Variants in TRPM7 observed in about 807,000 individuals in gnomAD.
The protein encoded by TRPM7 is LTRPC ion channel family member 7.
TRPM7 carries 134 observed loss-of-function variants against 229.7 expected under a neutral mutation model. The observed-to-expected ratio is 0.58, with a 90% confidence interval of 0.51 to 0.67. The LOEUF (loss-of-function observed/expected upper bound fraction) is 0.67, where lower values mean the gene tolerates loss of function less well. Ranked by LOEUF, TRPM7 falls within the 30% of genes least tolerant of loss-of-function variation. TRPM7 has a pLI of 0.00. For synonymous variants in TRPM7, 699 were observed against 715.2 expected, an observed-to-expected ratio of 0.98 and a Z score of 0.36; for missense variants, 1,901 against 2,210.0, an observed-to-expected ratio of 0.86 and a Z score of 2.80.
chr15:50,605,240 T>C, intron 20 of TRPM7, 96 bp from the exon 21 acceptor site: 2 of 1,048,084 alleles, frequency 1.9e-6, no homozygotes, highest in South Asian at 1.8e-5. Flanking sequence ...GAATTTCACA[T>C]AGCTTTTATT....
At chr15:50,676,935 C>G (rs1270735815) in intron 1 of TRPM7, among the ~76,000 whole-genome samples, 1 of 152,150 alleles carries the variant, frequency 6.6e-6, no homozygotes, top group Non-Finnish European at 1.5e-5. Context: ...CTCCAGGCAG[C>G]CCAGCTAAAT....
intron 1 of TRPM7, among the ~76,000 whole-genome samples, chr15:50,663,529 A>T (rs1021039993): frequency 2.0e-5 from 3 of 152,138 alleles, no homozygotes; most frequent in African/African-American, 7.2e-5. Flanking sequence ...TTAAATCCCA[A>T]GTGACCTAGG....
rs2060831377 is a variant in TRPM7, at chr15:50,634,513, A to G, written c.876T>C (p.Gly292=). The part of the protein sequence containing the change: ...GVPVVALIFE[G]GPNVILTVLE... ...GAACTGTGAGGATAACATTTGGCCC[A>G]CCCTCAAATATAAGTGCCACCACAG... The change falls in exon 8 of 39, where the codon GGT becomes GGC. Residue 292 remains glycine (G), a synonymous_variant. Transcript: ENST00000646667. 1 of 1,551,020 alleles carries G rather than the reference A, an allele frequency of 6.4e-7. No individual in the cohort carries two copies. The highest frequency in any genetic ancestry group is 8.7e-7 in the Non-Finnish European group (1 of 1,153,648).
At chr15:50,620,941 G>C (rs373894494) in intron 12 of TRPM7, among the ~76,000 whole-genome samples, 19 of 147,962 alleles carry the variant, frequency 1.3e-4, no homozygotes, top group African/African-American at 4.2e-4. Context: ...CCCCAAAAAA[G>C]TAAAAAATTT....
rs1243785600 is a variant in TRPM7, at chr15:50,671,227, C to A, written c.4-8181G>T. Among the ~76,000 whole-genome samples, 6 of 152,140 alleles carry A rather than the reference C, an allele frequency of 3.9e-5. No homozygotes were observed. In the East Asian group the frequency reaches 1.2e-3, roughly 29 times the overall value. On this transcript the variant is annotated intron_variant, in intron 1 of 38. Coordinates refer to ENST00000646667, the MANE Select transcript of TRPM7 (RefSeq NM_017672.6). ...CAATCCCCACCCAAGTCCCTGATAACCACCATTCTACTCTCCATCCAGAAA... is the reference window on the plus strand; with the variant it reads ...CAATCCCCACCCAAGTCCCTGATAAACACCATTCTACTCTCCATCCAGAAA...
At chr15:50,680,139 G>A (rs189283977) in intron 1 of TRPM7, among the ~76,000 whole-genome samples, 1 of 152,138 alleles carries the variant, frequency 6.6e-6, no homozygotes, top group African/African-American at 2.4e-5. Context: ...GAGGCTGACA[G>A]AGGAGAATCA....
chr15:50,673,003 G>A (rs1014899116), intron 1 of TRPM7, among the ~76,000 whole-genome samples: 1 of 150,376 alleles, frequency 6.6e-6, no homozygotes, highest in Admixed American at 6.6e-5. Flanking sequence ...TATTACAAGA[G>A]TCAAAAAGTT....
At chr15:50,675,757 A>G (rs1022225222) in intron 1 of TRPM7, among the ~76,000 whole-genome samples, 2 of 152,224 alleles carry the variant, frequency 1.3e-5, no homozygotes, top group Non-Finnish European at 2.9e-5. Context: ...CACAAATCTG[A>G]AAATTCCTAA....
At position 50,686,755 on chromosome 15, in the gene TRPM7, G is replaced by A. The variant is rs2140999352; in HGVS notation, c.-222C>T. On this transcript the variant is annotated 5_prime_UTR_variant, in exon 1 of 39. Coordinates refer to ENST00000646667, the MANE Select transcript of TRPM7 (RefSeq NM_017672.6). ...AACTCCTCCGGGTGACTGGCCACAG[G>A]GACGCGCCCGCGCCCGCCTCCGCCG... The A allele has an allele frequency of 1.9e-6, 1 of 523,328 alleles. No individual in the cohort carries two copies. Among genetic ancestry groups the A allele is most frequent in the Non-Finnish European group, 3.2e-6 (1 of 315,164 alleles). The allele number at this position is 523,328 out of a possible 1,614,324, so 32.4% of individuals were successfully genotyped here.
rs2053217235 is a variant in TRPM7 at position 50,559,025 on chromosome 15, TG to T, written c.*2652del. ...CTCCCACCTCAGTCTCCCAAGTAGC[TG>T]GAACTACAGGTGCACACCATCACAT... On this transcript the variant is annotated 3_prime_UTR_variant, in exon 39 of 39. Transcript: ENST00000646667. 6.7e-6 allele frequency: 1 copy of T among 148,964 alleles called. No individual in the cohort carries two copies. The highest frequency in any genetic ancestry group is 6.8e-5 in the Admixed American group (1 of 14,774). The allele number at this position is 148,964 out of a possible 1,614,324, so 9.2% of individuals were successfully genotyped here.
At chr15:50,639,012 T>C (rs930150667) in intron 6 of TRPM7, among the ~76,000 whole-genome samples, 2 of 152,218 alleles carry the variant, frequency 1.3e-5, no homozygotes, top group African/African-American at 4.8e-5. Flanking sequence ...GATAAATATC[T>C]ATAACCAATT....
intron 36 of TRPM7, 73 bp from the exon 37 acceptor site, chr15:50,570,228 TAAA>T: frequency 9.2e-7 from 1 of 1,089,854 alleles, no homozygotes; most frequent in Admixed American, 2.5e-5. Flanking sequence ...ATCTGCATAA[TAAA>T]AATCATCTTA....
chr15:50,609,760 T>G, intron 18 of TRPM7, 36 bp from the exon 19 acceptor site: 1 of 1,588,076 alleles, frequency 6.3e-7, no homozygotes, highest in Non-Finnish European at 8.5e-7. Flanking sequence ...TTTGTACAAT[T>G]ATTCAGAACA....
chr15:50,661,533 G>A (rs2061724747), intron 2 of TRPM7, among the ~76,000 whole-genome samples: 1 of 152,166 alleles, frequency 6.6e-6, no homozygotes, highest in Non-Finnish European at 1.5e-5. Flanking sequence ...TGAGAGATCC[G>A]TTCAAAGTTA....
chr15:50,605,758 T>G (rs1294781006), intron 20 of TRPM7, among the ~76,000 whole-genome samples: 5 of 152,212 alleles, frequency 3.3e-5, no homozygotes, highest in Non-Finnish European at 7.4e-5. Flanking sequence ...CAGAGCTATT[T>G]TATGAATATA....
At chr15:50,630,773 G>A (rs1210943843) in intron 10 of TRPM7, among the ~76,000 whole-genome samples, 3 of 152,086 alleles carry the variant, frequency 2.0e-5, no homozygotes, top group Non-Finnish European at 4.4e-5. Flanking sequence ...CTGGGCTCAA[G>A]CAATCCTCCC....
At chr15:50,574,190 A>G in intron 36 of TRPM7, 84 bp downstream of exon 36, 2 of 1,103,472 alleles carry the variant, frequency 1.8e-6, no homozygotes, top group Non-Finnish European at 2.7e-6. Flanking sequence ...TTATTTATCT[A>G]TAAATTAGCA....
intron 2 of TRPM7, among the ~76,000 whole-genome samples, chr15:50,662,138 A>G (rs1277588760): frequency 1.3e-5 from 2 of 152,114 alleles, no homozygotes; most frequent in African/African-American, 4.8e-5. Context: ...GTGGATCACA[A>G]GGTCAGGAGA....
chr15:50,654,232 G>T (rs937052202), intron 3 of TRPM7, among the ~76,000 whole-genome samples: 1 of 151,646 alleles, frequency 6.6e-6, no homozygotes, highest in Non-Finnish European at 1.5e-5. Context: ...GATCACCTGA[G>T]GTCAGGAGTT....
Sources: gnomAD v4.1 joint callset for allele counts (sites outside exome capture counted in the v4.1 genomes callset) on GRCh38, gnomAD v4.1.1 for gene constraint, MANE v1.5 for transcripts, NCBI Gene and HGNC (gene_info 2026-07-23, HGNC 2026-07-21) for gene names.